COL25A1: variants seen among roughly 807,000 people sequenced by gnomAD.
COL25A1 encodes collagen type XXV alpha 1 chain.
A neutral mutation model predicts 128.4 loss-of-function variants in COL25A1; 103 were observed. The ratio of observed to expected loss-of-function variants is 0.80; its 90% CI spans 0.68 to 0.94. COL25A1 has a LOEUF of 0.94. COL25A1 is among the 40% of genes least tolerant of loss of function. COL25A1 has a pLI of 0.00. For missense variants in COL25A1, 745 were observed against 840.0 expected, an observed-to-expected ratio of 0.89 and a Z score of 1.40; for synonymous variants, 279 against 277.2, an observed-to-expected ratio of 1.01 and a Z score of -0.06.
Position 108,980,555 on chromosome 4 carries a change from G to A in COL25A1, c.439-5996C>T, listed in dbSNP as rs561525398. ...TCAAATCCACAGTGTTGGCAGCGTCGGCTGGCCTAATTGGAAATAGCTGAG... is the reference window on the plus strand; with the variant it reads ...TCAAATCCACAGTGTTGGCAGCGTCAGCTGGCCTAATTGGAAATAGCTGAG... On this transcript the variant is annotated intron_variant, in intron 6 of 37. Transcript: ENST00000399132. Among the ~76,000 whole-genome samples, 6 of 152,218 alleles carry A rather than the reference G, an allele frequency of 3.9e-5. 1 individual carries two copies. Among genetic ancestry groups the A allele is most frequent in the African/African-American group, 1.4e-4 (6 of 41,510 alleles).
chr4:108,955,090 G>T (rs1270524267), intron 8 of COL25A1, among the ~76,000 whole-genome samples: 1 of 151,806 alleles, frequency 6.6e-6, no homozygotes, highest in Non-Finnish European at 1.5e-5. Flanking sequence ...CACATATGTG[G>T]TTAAAAAATT....
chr4:109,019,371 CACACAT>C (rs1292355994), intron 5 of COL25A1, among the ~76,000 whole-genome samples: 1 of 8,940 alleles, frequency 1.1e-4, no homozygotes. Flanking sequence ...CACACACACA[CACACAT>C]ATATATATAT....
At chr4:108,989,361 T>C (rs921861354) in intron 6 of COL25A1, among the ~76,000 whole-genome samples, 2 of 152,200 alleles carry the variant, frequency 1.3e-5, no homozygotes, top group African/African-American at 2.4e-5. Flanking sequence ...AATTCTACTA[T>C]GTTTATTTTT....
At chr4:109,224,696 T>C (rs1374795497) in intron 3 of COL25A1, among the ~76,000 whole-genome samples, 1 of 152,152 alleles carries the variant, frequency 6.6e-6, no homozygotes, top group East Asian at 1.9e-4. Context: ...TCTCAGCACT[T>C]TGGGAGTCCG....
chr4:109,068,180 T>G (rs900981146), intron 3 of COL25A1, among the ~76,000 whole-genome samples: 3 of 152,182 alleles, frequency 2.0e-5, no homozygotes, highest in Non-Finnish European at 2.9e-5. Context: ...TTTTCACAGG[T>G]GGGACATCTG....
chr4:108,954,760 A>G (rs1749863956), intron 8 of COL25A1, among the ~76,000 whole-genome samples: 1 of 152,048 alleles, frequency 6.6e-6, no homozygotes, highest in Admixed American at 6.6e-5. Context: ...TGGTCTTTCA[A>G]CTTAGTAAAT....
intron 3 of COL25A1, among the ~76,000 whole-genome samples, chr4:109,146,898 G>A (rs1359097150): frequency 6.6e-6 from 1 of 152,124 alleles, no homozygotes; most frequent in Non-Finnish European, 1.5e-5. Context: ...AAACATCTTC[G>A]GACCAAATCT....
At chr4:109,198,529 C>T (rs1292753978) in intron 3 of COL25A1, among the ~76,000 whole-genome samples, 1 of 152,074 alleles carries the variant, frequency 6.6e-6, no homozygotes, top group African/African-American at 2.4e-5. Flanking sequence ...ACTCATTGAA[C>T]AATCAAATCC....
chr4:109,216,041 GC>G (rs1445489992), intron 3 of COL25A1, among the ~76,000 whole-genome samples: 1 of 151,950 alleles, frequency 6.6e-6, no homozygotes, highest in African/African-American at 2.4e-5. Context: ...ATCCCCCTCT[GC>G]CCCCATATCT....
At chr4:108,939,038 G>A (rs111905095) in intron 10 of COL25A1, among the ~76,000 whole-genome samples, 11 of 152,218 alleles carry the variant, frequency 7.2e-5, no homozygotes, top group Admixed American at 2.0e-4. Flanking sequence ...TATAATTTTG[G>A]ATTGTGTGGT....
In COL25A1 at chr4:108,962,679, C is replaced by T. The variant is rs902690417; in HGVS notation, c.492+11688G>A. ...GCTTATAAAGCATGATAAGAATGCC[C>T]GGAAGTTCTTGGTACGTGGAACTGT... On this transcript the variant is annotated intron_variant, in intron 8 of 37. Transcript: ENST00000399132. Among the ~76,000 whole-genome samples the T allele has an allele frequency of 1.1e-4, 16 of 152,100 alleles. No individual in the cohort carries two copies. The East Asian group carries it at 1.9e-3, about 18-fold the overall frequency.
chr4:109,266,583 T>C (rs1363037376), intron 3 of COL25A1, among the ~76,000 whole-genome samples: 1 of 151,870 alleles, frequency 6.6e-6, no homozygotes, highest in Non-Finnish European at 1.5e-5. Flanking sequence ...CAGGCTTTCA[T>C]AAATAAATGG....
intron 6 of COL25A1, among the ~76,000 whole-genome samples, chr4:108,990,272 A>ATATATATATC (rs1237402687): frequency 8.9e-5 from 11 of 123,630 alleles, no homozygotes; most frequent in African/African-American, 3.4e-4. Context: ...ATATATATAT[A>ATATATATATC]TCTCAAAAGA....
chr4:109,155,425 T>C (rs546545810), intron 3 of COL25A1, among the ~76,000 whole-genome samples: 1 of 152,300 alleles, frequency 6.6e-6, no homozygotes, highest in South Asian at 2.1e-4. Context: ...GTACTTAAAT[T>C]CCAGTAACTA....
At position 108,812,889 on chromosome 4, in the gene COL25A1, C is replaced by A. The variant is rs1273644548; in HGVS notation, c.*1038G>T. On this transcript the variant is annotated 3_prime_UTR_variant, in exon 38 of 38. Transcript: ENST00000399132. ...GCAACCCAAGTTTTGGTGGGATGGACATCCCTTTTCCCTCAGGGACAGGAT... is the reference window on the plus strand; with the variant it reads ...GCAACCCAAGTTTTGGTGGGATGGAAATCCCTTTTCCCTCAGGGACAGGAT... 6.6e-6 allele frequency: 1 copy of A among 152,164 alleles called. No homozygotes were observed. Among genetic ancestry groups the A allele is most frequent in the Non-Finnish European group, 1.5e-5 (1 of 68,046 alleles). The allele number at this position is 152,164 out of a possible 1,614,324, so 9.4% of individuals were successfully genotyped here.
intron 3 of COL25A1, among the ~76,000 whole-genome samples, chr4:109,244,809 T>A (rs1780152724): frequency 6.6e-6 from 1 of 152,150 alleles, no homozygotes; most frequent in Non-Finnish European, 1.5e-5. Flanking sequence ...ATGAAGCAAA[T>A]CTTTTAAAAT....
At chr4:109,226,246 G>T (rs115826428) in intron 3 of COL25A1, among the ~76,000 whole-genome samples, 52 of 152,170 alleles carry the variant, frequency 3.4e-4, no homozygotes, top group African/African-American at 1.2e-3. Flanking sequence ...TAGGAGGGGG[G>T]TGAGACATGA....
chr4:109,224,782 A>C (rs1778677657), intron 3 of COL25A1, among the ~76,000 whole-genome samples: 2 of 152,124 alleles, frequency 1.3e-5, no homozygotes, highest in Admixed American at 1.3e-4. Context: ...TCTACTAAAA[A>C]TACAAAAATT....
chr4:109,214,757 G>A (rs1412319432), intron 3 of COL25A1, among the ~76,000 whole-genome samples: 1 of 152,056 alleles, frequency 6.6e-6, no homozygotes, highest in African/African-American at 2.4e-5. Flanking sequence ...GATCAGAACT[G>A]GTGATGTTAG....
Sources: allele counts gnomAD v4.1 joint callset (sites outside exome capture counted in the v4.1 genomes callset), GRCh38; gene constraint gnomAD v4.1.1; transcripts MANE v1.5; gene names NCBI Gene and HGNC (gene_info 2026-07-23, HGNC 2026-07-21).